DCC: variants seen among roughly 807,000 people sequenced by gnomAD.
The protein encoded by DCC is netrin receptor DCC.
A neutral mutation model predicts 172.5 loss-of-function variants in DCC; 58 were observed. The ratio of observed to expected loss-of-function variants is 0.34; its 90% CI spans 0.27 to 0.42. DCC has a LOEUF of 0.42. Ranked by LOEUF, DCC falls within the 10% of genes least tolerant of loss-of-function variation. DCC has a pLI of 1.00. For synonymous variants in DCC, 709 were observed against 644.5 expected, an observed-to-expected ratio of 1.10 and a Z score of -1.52; for missense variants, 1,740 against 1,791.0, an observed-to-expected ratio of 0.97 and a Z score of 0.51.
chr18:53,177,081 A>C (rs1256851776), intron 8 of DCC, among the ~76,000 whole-genome samples: 1 of 151,928 alleles, frequency 6.6e-6, no homozygotes, highest in African/African-American at 2.4e-5. Context: ...TCGCAAGAAC[A>C]AAAAACCAAA....
intron 1 of DCC, among the ~76,000 whole-genome samples, chr18:52,707,669 T>G (rs2036231440): frequency 6.6e-6 from 1 of 152,058 alleles, no homozygotes; most frequent in Admixed American, 6.6e-5. Flanking sequence ...CAATGGAAAA[T>G]GATTCAACCT....
chr18:53,311,586 G>A (rs541725678), intron 13 of DCC, among the ~76,000 whole-genome samples: 27 of 152,264 alleles, frequency 1.8e-4, no homozygotes, highest in African/African-American at 6.3e-4. Context: ...ACTTTATTGT[G>A]AGTGATTAAG....
At chr18:52,847,687 G>C (rs1410380074) in intron 2 of DCC, among the ~76,000 whole-genome samples, 1 of 152,072 alleles carries the variant, frequency 6.6e-6, no homozygotes, top group African/African-American at 2.4e-5. Flanking sequence ...AAAAGAAAAA[G>C]CTTGATACAT....
At chr18:53,501,812 A>AACAAAAGGATACAATT (rs1271301391) in intron 27 of DCC, among the ~76,000 whole-genome samples, 1 of 152,220 alleles carries the variant, frequency 6.6e-6, no homozygotes, top group African/African-American at 2.4e-5. Context: ...GTGCTACAAT[A>AACAAAAGGATACAATT]ACAAAAGGAT....
intron 5 of DCC, among the ~76,000 whole-genome samples, chr18:52,953,088 A>C (rs1222181829): frequency 6.9e-6 from 1 of 143,988 alleles, no homozygotes; most frequent in Non-Finnish European, 1.5e-5. Flanking sequence ...CGGTATTTTT[A>C]TCTGTTGTGA....
rs1219671328 is a variant in DCC at position 53,221,085 on chromosome 18, TC to T, written c.1911+5490del. ...AGAACTCATCTTCAGATCTCTTCCA[TC>T]CTGTCTTTTTACTTAATAGATCCTT... is the stretch of plus-strand genomic sequence containing the variant. On this transcript the variant is annotated intron_variant, in intron 12 of 28. Transcript: ENST00000442544. 1.8e-4 allele frequency among the ~76,000 whole-genome samples: 28 copies of T among 152,274 alleles called. No individual in the cohort carries two copies. In the East Asian group the frequency reaches 5.0e-3, roughly 27 times the overall value.
At chr18:52,776,444 C>G (rs537021186) in intron 2 of DCC, among the ~76,000 whole-genome samples, 102 of 152,072 alleles carry the variant, frequency 6.7e-4, no homozygotes, top group African/African-American at 2.4e-3. Flanking sequence ...AAGATCTGTT[C>G]TATTTTTAAA....
intron 1 of DCC, among the ~76,000 whole-genome samples, chr18:52,675,371 G>T (rs961196764): frequency 1.3e-5 from 2 of 152,070 alleles, no homozygotes; most frequent in African/African-American, 4.8e-5. Context: ...CAGGTCTTTG[G>T]ATAAACTCAA....
chr18:53,319,366 C>A (rs1314883421), intron 13 of DCC, among the ~76,000 whole-genome samples: 1 of 151,746 alleles, frequency 6.6e-6, no homozygotes, highest in South Asian at 2.1e-4. Context: ...TTCAGGAGAC[C>A]CATCTCACTT....
At position 52,859,063 on chromosome 18, in the gene DCC, G is replaced by A. The variant is rs1013824100; in HGVS notation, c.413-46981G>A. On this transcript the variant is annotated intron_variant, in intron 2 of 28. Transcript: ENST00000442544. ...CATGCCTGCCATCCCAGCACTTTGG[G>A]AGGCCAAGATGACAATTACTTGAAC... Among the ~76,000 whole-genome samples the A allele has an allele frequency of 3.3e-5, 5 of 152,116 alleles. No homozygotes were observed. In the South Asian group the frequency reaches 8.3e-4, roughly 25 times the overall value.
rs60291389 is a variant in DCC at position 53,002,548 on chromosome 18, T to G, written c.986-60757T>G. On this transcript the variant is annotated intron_variant, in intron 5 of 28. Transcript: ENST00000442544. ...TAGACTGATGAGTACTATTTGACAT[T>G]TTGTAGATTCAAAATCAACTCATTT... Among the ~76,000 whole-genome samples, 368 of 152,230 alleles carry G rather than the reference T, an allele frequency of 2.4e-3. 6 individuals carry two copies. Among genetic ancestry groups the G allele is most frequent in the African/African-American group, 8.4e-3 (350 of 41,560 alleles).
intron 2 of DCC, among the ~76,000 whole-genome samples, chr18:52,823,198 G>T (rs1334217635): frequency 1.3e-5 from 2 of 152,234 alleles, no homozygotes; most frequent in African/African-American, 4.8e-5. Flanking sequence ...GCCAGGCTTT[G>T]TGGCTCACAC....
intron 7 of DCC, among the ~76,000 whole-genome samples, chr18:53,137,291 C>T (rs1359925181): frequency 6.6e-6 from 1 of 152,212 alleles, no homozygotes. Context: ...GATCCACTTC[C>T]AATCTCTCAG....
intron 15 of DCC, among the ~76,000 whole-genome samples, chr18:53,362,242 C>G (rs1426231958): frequency 6.6e-6 from 1 of 152,074 alleles, no homozygotes; most frequent in Admixed American, 6.6e-5. Context: ...GAATCACATA[C>G]AGAAATCAAA....
At chr18:53,351,768 C>A (rs1025130272) in intron 15 of DCC, among the ~76,000 whole-genome samples, 45 of 151,604 alleles carry the variant, frequency 3.0e-4, no homozygotes, top group Non-Finnish European at 3.2e-4. Flanking sequence ...TAGCTTAGAT[C>A]TCATTCTTAA....
At chr18:52,941,434 CT>C (rs2040461182) in intron 5 of DCC, among the ~76,000 whole-genome samples, 1 of 151,822 alleles carries the variant, frequency 6.6e-6, no homozygotes, top group Admixed American at 6.6e-5. Flanking sequence ...GAATTGATGA[CT>C]AATACCGTAT....
At chr18:52,412,120 T>C (rs978139106) in intron 1 of DCC, among the ~76,000 whole-genome samples, 8 of 152,294 alleles carry the variant, frequency 5.3e-5, no homozygotes, top group African/African-American at 1.7e-4. Flanking sequence ...ATGACATTTA[T>C]ATTACCAAAA....
intron 1 of DCC, among the ~76,000 whole-genome samples, chr18:52,713,083 G>T (rs1005251782): frequency 8.5e-5 from 13 of 152,284 alleles, no homozygotes; most frequent in Middle Eastern, 6.8e-3. Context: ...TGCCTAGCCG[G>T]GAAATTTCTG....
intron 1 of DCC, among the ~76,000 whole-genome samples, chr18:52,567,876 TTGAC>T (rs1251048842): frequency 1.3e-5 from 2 of 152,108 alleles, no homozygotes; most frequent in Non-Finnish European, 2.9e-5. Context: ...GTTCTGTACT[TTGAC>T]TGTGATGATA....
Sources: allele counts gnomAD v4.1 joint callset (sites outside exome capture counted in the v4.1 genomes callset), GRCh38; gene constraint gnomAD v4.1.1; transcripts MANE v1.5; gene names NCBI Gene and HGNC (gene_info 2026-07-23, HGNC 2026-07-21).